GPR39: variants seen among roughly 807,000 people sequenced by gnomAD.
GPR39 encodes zinc sensing receptor.
A neutral mutation model predicts 18.4 loss-of-function variants in GPR39; 23 were observed. The observed-to-expected ratio is 1.25, with a 90% CI of 0.90 to 1.77. GPR39 has a LOEUF of 1.77. Among genes scored for constraint, GPR39 ranks in the 40% most tolerant of loss-of-function variants. GPR39 has a pLI of 0.00. For synonymous variants in GPR39, 280 were observed against 257.9 expected (o/e 1.09, Z -0.82); for missense variants, 647 against 602.4 (o/e 1.07, Z -0.78).
At chr2:132,613,485 G>T (rs1424134160) in intron 1 of GPR39, among the ~76,000 whole-genome samples, 1 of 152,208 alleles carries the variant, frequency 6.6e-6, no homozygotes, top group African/African-American at 2.4e-5. Context: ...ACTGCAGGGA[G>T]TGGGAATTCT....
At chr2:132,479,893 T>G (rs1681199925) in intron 1 of GPR39, among the ~76,000 whole-genome samples, 1 of 150,224 alleles carries the variant, frequency 6.7e-6, no homozygotes, top group Non-Finnish European at 1.5e-5. Context: ...CAAAGAAATA[T>G]TTGTAGACCC....
chr2:132,520,758 G>A (rs992923264), intron 1 of GPR39, among the ~76,000 whole-genome samples: 1 of 152,206 alleles, frequency 6.6e-6, no homozygotes, highest in Non-Finnish European at 1.5e-5. Flanking sequence ...CATCTTGATG[G>A]TGATGAGAGT....
intron 1 of GPR39, among the ~76,000 whole-genome samples, chr2:132,542,844 C>T (rs1679885469): frequency 6.6e-6 from 1 of 152,154 alleles, no homozygotes; most frequent in Admixed American, 6.5e-5. Context: ...GAGCTGGGCA[C>T]AAGACTACCC....
chr2:132,459,408 G>A (rs576322589), intron 1 of GPR39, among the ~76,000 whole-genome samples: 2 of 152,224 alleles, frequency 1.3e-5, no homozygotes, highest in East Asian at 3.9e-4. Context: ...CCCTCTCCAG[G>A]TTTCCAAGTG....
At chr2:132,592,690 A>T (rs902609139) in intron 1 of GPR39, among the ~76,000 whole-genome samples, 23 of 152,218 alleles carry the variant, frequency 1.5e-4, no homozygotes, top group African/African-American at 4.6e-4. Flanking sequence ...AAGCTAACGC[A>T]GTAATCCAAG....
intron 1 of GPR39, among the ~76,000 whole-genome samples, chr2:132,620,326 G>A (rs1558861375): frequency 6.6e-6 from 1 of 152,082 alleles, no homozygotes; most frequent in African/African-American, 2.4e-5. Flanking sequence ...TTGCCCAGAG[G>A]GTTCCTCATG....
At chr2:132,492,767 A>G (rs2104797128) in intron 1 of GPR39, among the ~76,000 whole-genome samples, 1 of 80,846 alleles carries the variant, frequency 1.2e-5, no homozygotes, top group East Asian at 3.8e-4. Flanking sequence ...ATATATATAC[A>G]TTCCATATAT....
At chr2:132,421,254 C>T (rs982962123) in intron 1 of GPR39, among the ~76,000 whole-genome samples, 1 of 152,174 alleles carries the variant, frequency 6.6e-6, no homozygotes, top group Non-Finnish European at 1.5e-5. Flanking sequence ...GGTCTGTGGA[C>T]ACTTGTGTGT....
At chr2:132,510,068 G>A (rs1225749405) in intron 1 of GPR39, among the ~76,000 whole-genome samples, 1 of 152,196 alleles carries the variant, frequency 6.6e-6, no homozygotes, top group African/African-American at 2.4e-5. Flanking sequence ...GCTCAATGGA[G>A]CCATTGGCAT....
intron 1 of GPR39, among the ~76,000 whole-genome samples, chr2:132,591,802 T>G (rs1036716024): frequency 7.2e-5 from 11 of 152,140 alleles, no homozygotes; most frequent in Non-Finnish European, 1.6e-4. Flanking sequence ...GGGGAAATTA[T>G]GAAATAAAAC....
chr2:132,417,923 C>T lies in GPR39; in HGVS notation c.856+25C>T, dbSNP rs377578259. 56 of 1,546,554 alleles carry T rather than the reference C, an allele frequency of 3.6e-5. 1 individual carries two copies. In the African/African-American group the frequency reaches 5.7e-4, roughly 16 times the overall value. ...AGTGAGTCCTAAGTCGGGGGCAACACGTGAGCAGCTTCCCAACCTTCCCCC... is the reference window on the plus strand; with the variant it reads ...AGTGAGTCCTAAGTCGGGGGCAACATGTGAGCAGCTTCCCAACCTTCCCCC... On this transcript the variant is annotated intron_variant, in intron 1 of 1. Transcript: ENST00000329321.
intron 1 of GPR39, among the ~76,000 whole-genome samples, chr2:132,641,446 G>C (rs927548285): frequency 6.6e-6 from 1 of 152,134 alleles, no homozygotes; most frequent in Non-Finnish European, 1.5e-5. Context: ...TGGGAAGAGG[G>C]GGAGCCTTGC....
chr2:132,476,320 T>G (rs1681124537), intron 1 of GPR39, among the ~76,000 whole-genome samples: 1 of 152,150 alleles, frequency 6.6e-6, no homozygotes, highest in African/African-American at 2.4e-5. Context: ...AGGCAAAATG[T>G]ATTTCTTCAT....
intron 1 of GPR39, among the ~76,000 whole-genome samples, chr2:132,465,962 T>C (rs1252494895): frequency 6.6e-6 from 1 of 152,248 alleles, no homozygotes; most frequent in Non-Finnish European, 1.5e-5. Flanking sequence ...ATAGTATTGA[T>C]GAAATTTTCT....
chr2:132,487,567 A>G (rs1175775882), intron 1 of GPR39, among the ~76,000 whole-genome samples: 1 of 152,218 alleles, frequency 6.6e-6, no homozygotes, highest in African/African-American at 2.4e-5. Flanking sequence ...AAGGAATATG[A>G]TGCTTTAAAT....
At chr2:132,629,545 G>T (rs1681611909) in intron 1 of GPR39, among the ~76,000 whole-genome samples, 1 of 152,234 alleles carries the variant, frequency 6.6e-6, no homozygotes, top group South Asian at 2.1e-4. Flanking sequence ...TGTAGATCCT[G>T]CAGTCTAGGG....
chr2:132,631,327 C>T (rs1681646898), intron 1 of GPR39, among the ~76,000 whole-genome samples: 1 of 152,186 alleles, frequency 6.6e-6, no homozygotes, highest in Non-Finnish European at 1.5e-5. Flanking sequence ...AAGACTATTT[C>T]CTCCAAGTTA....
chr2:132,502,224 G>A (rs1401815865), intron 1 of GPR39, among the ~76,000 whole-genome samples: 14 of 152,178 alleles, frequency 9.2e-5, no homozygotes, highest in Non-Finnish European at 1.9e-4. Context: ...TTGAGGATAT[G>A]CTTCAAGATT....
At chr2:132,538,576 G>A (rs1301853391) in intron 1 of GPR39, among the ~76,000 whole-genome samples, 2 of 152,232 alleles carry the variant, frequency 1.3e-5, no homozygotes, top group African/African-American at 4.8e-5. Flanking sequence ...CTAATGTGCT[G>A]TGCTGGGAGA....
Sources: allele counts gnomAD v4.1 joint callset (sites outside exome capture counted in the v4.1 genomes callset), GRCh38; gene constraint gnomAD v4.1.1; transcripts MANE v1.5; gene names NCBI Gene and HGNC (gene_info 2026-07-23, HGNC 2026-07-21).